The following CNOT7 variants were observed in gnomAD, a reference collection of about 807,000 sequenced individuals.
CNOT7 encodes BTG1-binding factor 1.
In CNOT7, 4 loss-of-function variants were observed where a neutral mutation model predicts 37.1. That is an observed-to-expected ratio of 0.11 (90% CI 0.05 to 0.25). CNOT7 has a LOEUF of 0.25. Ranked by LOEUF, CNOT7 falls within the 10% of genes least tolerant of loss-of-function variation. The pLI is 1.00. For missense variants in CNOT7, 170 were observed against 336.2 expected (o/e 0.51, Z 3.87); for synonymous variants, 128 against 115.6 (o/e 1.11, Z -0.69).
chr8:17,237,570 A>G (rs763206643), intron 3 of CNOT7, 197 bp from the exon 4 acceptor site: 54 of 538,510 alleles, frequency 1.0e-4, no homozygotes, highest in Admixed American at 4.0e-4. Context: ...AGTGTTTCGA[A>G]TAAAAAATCA....
chr8:17,232,517 T>C lies in CNOT7; in HGVS notation c.639A>G (p.Ala213=), dbSNP rs1379498760. 6.2e-7 allele frequency: 1 copy of C among 1,613,924 alleles called. No homozygotes were observed. The highest frequency in any genetic ancestry group is 8.5e-7 in the Non-Finnish European group (1 of 1,179,980). The change falls in exon 6 of 7, where the codon GCA becomes GCG. Residue 213 remains alanine, a synonymous_variant. Transcript: ENST00000361272. ...KNLKGGLQEV[A]EQLELERIGP... is the part of the protein sequence containing the mutation. Reference sequence around the variant, plus strand: ...CTATCCGTTCCAGCTCTAACTGTTCTGCCACCTCCTGTAATCCACCCTAGA... The same window carrying C: ...CTATCCGTTCCAGCTCTAACTGTTCCGCCACCTCCTGTAATCCACCCTAGA...
intron 1 of CNOT7, among the ~76,000 whole-genome samples, 157 bp from the exon 2 acceptor site, chr8:17,245,404 A>G (rs1810791265): frequency 6.6e-6 from 1 of 152,160 alleles, no homozygotes; most frequent in Non-Finnish European, 1.5e-5. Flanking sequence ...TCACACAGCT[A>G]GTCTATAGGA....
chr8:17,226,847 A>C lies in CNOT7; in HGVS notation c.*3873T>G, dbSNP rs1363818032. On this transcript the variant is annotated 3_prime_UTR_variant, in exon 7 of 7. Coordinates refer to ENST00000361272, the MANE Select transcript of CNOT7 (RefSeq NM_013354.7). The stretch of plus-strand genomic sequence containing the variant: ...AGTCTGTGGCAAAAGTTAATTTCCA[A>C]AGTTACTCAGTGTTAAAAAACAGTG... The C allele has an allele frequency of 6.6e-6, 1 of 151,750 alleles. No individual in the cohort carries two copies. 9.4% of individuals were successfully genotyped at this position (151,750 alleles called of 1,614,324 possible).
chr8:17,228,373 T>G lies in CNOT7; in HGVS notation c.*2347A>C, dbSNP rs1808296678. The G allele has an allele frequency of 6.6e-6, 1 of 151,832 alleles. No individual in the cohort carries two copies. Among genetic ancestry groups the G allele is most frequent in the Non-Finnish European group, 1.5e-5 (1 of 67,826 alleles). 9.4% of individuals were successfully genotyped at this position (151,832 alleles called of 1,614,324 possible). ...CTGGAACAAAATAAAAAAGTAAAACTTAGACCCAGTAAAAGTCAAAATGTT... is the reference window on the plus strand; with the variant it reads ...CTGGAACAAAATAAAAAAGTAAAACGTAGACCCAGTAAAAGTCAAAATGTT... On this transcript the variant is annotated 3_prime_UTR_variant, in exon 7 of 7. Transcript: ENST00000361272.
chr8:17,232,643 G>C, intron 5 of CNOT7, 106 bp from the exon 6 acceptor site: 1 of 912,036 alleles, frequency 1.1e-6, no homozygotes, highest in Non-Finnish European at 1.7e-6. Flanking sequence ...ACTTTAGTAT[G>C]TAAAGGTGAA....
Position 17,225,653 on chromosome 8 carries a change from C to G in CNOT7, c.*5067G>C, listed in dbSNP as rs890919885. ...GTGACATTTTTTTAACTTTCAAAAC[C>G]TGAAATGAAAATTCTGCAGGATTTG... On this transcript the variant is annotated 3_prime_UTR_variant, in exon 7 of 7. Coordinates refer to ENST00000361272, the MANE Select transcript of CNOT7 (RefSeq NM_013354.7). The G allele has an allele frequency of 1.3e-5, 2 of 151,612 alleles. No individual in the cohort carries two copies. The highest frequency in any genetic ancestry group is 3.0e-5 in the Non-Finnish European group (2 of 67,708). The allele number at this position is 151,612 out of a possible 1,614,324, so 9.4% of individuals were successfully genotyped here. A position where few individuals can be genotyped will look rare whatever the true frequency, so the allele number is the denominator to read the frequency against.
At chr8:17,231,089 C>T (rs1808541117) in intron 6 of CNOT7, among the ~76,000 whole-genome samples, 1 of 152,026 alleles carries the variant, frequency 6.6e-6, no homozygotes, top group African/African-American at 2.4e-5. Flanking sequence ...ATGTCTTTTC[C>T]ATTTAGACCA....
rs1671523063 is a variant in CNOT7 at position 17,230,258 on chromosome 8, A to C, written c.*462T>G. The stretch of plus-strand genomic sequence containing the variant: ...ATCAAGAAAAAACAAATTTTCTGAT[A>C]AAACAGGTTTAGAGTCAGAAACACT... On this transcript the variant is annotated 3_prime_UTR_variant, in exon 7 of 7. Transcript: ENST00000361272. The C allele has an allele frequency of 6.6e-6, 1 of 152,634 alleles. No individual in the cohort carries two copies. Among genetic ancestry groups the C allele is most frequent in the South Asian group, 2.1e-4 (1 of 4,836 alleles). 9.5% of individuals were successfully genotyped at this position (152,634 alleles called of 1,614,324 possible).
rs540851277 is a variant in CNOT7, at chr8:17,233,170, G to C, written c.619-633C>G. 3.9e-5 allele frequency among the ~76,000 whole-genome samples: 6 copies of C among 152,182 alleles called. No individual in the cohort carries two copies. The East Asian group carries it at 9.7e-4, about 25-fold the overall frequency. ...AGAAAGAGAAAGACAGTAACAGAAG[G>C]AAAGAAAGTGGGAGGACAGGCAAGG... On this transcript the variant is annotated intron_variant, in intron 5 of 6. Transcript: ENST00000361272.
chr8:17,229,365 AG>A lies in CNOT7; in HGVS notation c.*1354del, dbSNP rs1808360081. On this transcript the variant is annotated 3_prime_UTR_variant, in exon 7 of 7. Transcript: ENST00000361272. ...TAATATCATGAATAAAGAATGTACA[AG>A]GGAGACAAACCAATGTGACTAACAT... 6.6e-6 allele frequency: 1 copy of A among 152,364 alleles called. No individual in the cohort carries two copies. The highest frequency in any genetic ancestry group is 1.5e-5 in the Non-Finnish European group (1 of 67,838). The allele number at this position is 152,364 out of a possible 1,614,324, so 9.4% of individuals were successfully genotyped here. A position where few individuals can be genotyped will look rare whatever the true frequency, so the allele number is the denominator to read the frequency against.
intron 2 of CNOT7, chr8:17,243,462 GA>G: frequency 1.8e-6 from 1 of 559,646 alleles, no homozygotes. Context: ...AGAAAGGGGG[GA>G]AAATCATAAA....
In CNOT7 at chr8:17,227,482, G is replaced by GGACA. The variant is rs1445726373; in HGVS notation, c.*3234_*3237dup. On this transcript the variant is annotated 3_prime_UTR_variant, in exon 7 of 7. Transcript: ENST00000361272. Reference sequence around the variant, plus strand: ...AAGGGCTGATGTCTTAATTTTCTCTGGACACATGTCTTTGGGTTGGTTACT... The same window carrying GGACA: ...AAGGGCTGATGTCTTAATTTTCTCTGGACAGACACATGTCTTTGGGTTGGTTACT... The GGACA allele has an allele frequency of 6.6e-6, 1 of 151,782 alleles. No homozygotes were observed. The highest frequency in any genetic ancestry group is 6.6e-5 in the Admixed American group (1 of 15,212). The allele number at this position is 151,782 out of a possible 1,614,324, so 9.4% of individuals were successfully genotyped here. A position where few individuals can be genotyped will look rare whatever the true frequency, so the allele number is the denominator to read the frequency against.
chr8:17,236,229 G>A (rs1809341862), intron 4 of CNOT7, among the ~76,000 whole-genome samples: 1 of 152,156 alleles, frequency 6.6e-6, no homozygotes. Flanking sequence ...CCACAGATCA[G>A]AGACAGAAAC....
rs1214218470 is a variant in CNOT7, at chr8:17,230,500, T to G, written c.*220A>C. ...TCACACACGCTTGCTAACAAGTATA[T>G]TAAATTAAGGCCAAATTTAACCTGA... On this transcript the variant is annotated 3_prime_UTR_variant, in exon 7 of 7. Coordinates refer to ENST00000361272, the MANE Select transcript of CNOT7 (RefSeq NM_013354.7). 3.1e-6 allele frequency: 1 copy of G among 321,162 alleles called. No homozygotes were observed. Among genetic ancestry groups the G allele is most frequent in the Non-Finnish European group, 5.7e-6 (1 of 175,614 alleles). 19.9% of individuals were successfully genotyped at this position (321,162 alleles called of 1,614,324 possible). A position where few individuals can be genotyped will look rare whatever the true frequency, so the allele number is the denominator to read the frequency against.
chr8:17,228,510 T>A lies in CNOT7; in HGVS notation c.*2210A>T, dbSNP rs527949049. The A allele has an allele frequency of 6.6e-6, 1 of 152,028 alleles. No individual in the cohort carries two copies. Among genetic ancestry groups the A allele is most frequent in the South Asian group, 2.1e-4 (1 of 4,828 alleles). 9.4% of individuals were successfully genotyped at this position (152,028 alleles called of 1,614,324 possible). ...CAGCATACAGTCCCCCAATTTACGA[T>A]GGTTCAAGTTATAAATTTTGACTTT... On this transcript the variant is annotated 3_prime_UTR_variant, in exon 7 of 7. Coordinates refer to ENST00000361272, the MANE Select transcript of CNOT7 (RefSeq NM_013354.7).
chr8:17,236,873 A>G (rs1016868724), intron 4 of CNOT7, among the ~76,000 whole-genome samples: 2 of 152,194 alleles, frequency 1.3e-5, no homozygotes, highest in Non-Finnish European at 2.9e-5. Flanking sequence ...TTTCCCCCGT[A>G]GAACATTAAA....
Position 17,243,679 on chromosome 8 carries a change from T to A in CNOT7, c.118-494A>T, listed in dbSNP as rs118147928. The A allele has an allele frequency of 4.5e-4, 205 of 456,066 alleles. 2 individuals carry two copies. In the East Asian group the frequency reaches 0.012, roughly 26 times the overall value. The allele number at this position is 456,066 out of a possible 1,614,324, so 28.3% of individuals were successfully genotyped here. On this transcript the variant is annotated intron_variant, in intron 2 of 6. Transcript: ENST00000361272. ...TCTGGCTTAAACAATATTCTCTCTA[T>A]AGTCCACAGAAAGCATGCTGTCAAG...
chr8:17,235,081 G>C (rs898028399), intron 4 of CNOT7, among the ~76,000 whole-genome samples: 2 of 152,072 alleles, frequency 1.3e-5, no homozygotes, highest in African/African-American at 4.8e-5. Flanking sequence ...ATTATTCAGA[G>C]ATATCAACAC....
At chr8:17,238,875 A>G (rs2150990958) in intron 3 of CNOT7, among the ~76,000 whole-genome samples, 1 of 152,272 alleles carries the variant, frequency 6.6e-6, no homozygotes, top group South Asian at 2.1e-4. Flanking sequence ...TAGACTACAA[A>G]GACAGCTTGC....
Sources: allele counts gnomAD v4.1 joint callset (sites outside exome capture counted in the v4.1 genomes callset), GRCh38; gene constraint gnomAD v4.1.1; transcripts MANE v1.5; gene names NCBI Gene and HGNC (gene_info 2026-07-23, HGNC 2026-07-21).